UGT1A9: variants seen among roughly 807,000 people sequenced by gnomAD.
UGT1A9 encodes UDP-glucuronosyltransferase 1A9.
Under a neutral mutation model 45.0 loss-of-function variants are expected in UGT1A9, and 35 were observed. The observed-to-expected ratio is 0.78, with a 90% CI of 0.59 to 1.03. The LOEUF (loss-of-function observed/expected upper bound fraction) is 1.03, where lower values mean the gene tolerates loss of function less well. Ranked by LOEUF, UGT1A9 falls within the 50% of genes least tolerant of loss-of-function variation. The pLI is 0.00. For missense variants in UGT1A9, 687 were observed against 666.6 expected (o/e 1.03, Z -0.34); for synonymous variants, 278 against 250.6 (o/e 1.11, Z -1.03).
chr2:233,747,372 A>G (rs1321135438), intron 1 of UGT1A9: 1 of 1,604,206 alleles, frequency 6.2e-7, no homozygotes, highest in African/African-American at 1.3e-5. Flanking sequence ...GCTCCATGCC[A>G]GAGGCCACCA....
chr2:233,718,906 G>C (rs1018341076), intron 1 of UGT1A9: 4 of 1,613,954 alleles, frequency 2.5e-6, no homozygotes, highest in Admixed American at 1.7e-5. Context: ...GCTGAGAGTG[G>C]AAAGGTGTTG....
intron 1 of UGT1A9, among the ~76,000 whole-genome samples, chr2:233,695,285 C>T (rs1269928207): frequency 6.6e-6 from 1 of 152,000 alleles, no homozygotes; most frequent in Non-Finnish European, 1.5e-5. Flanking sequence ...GCCACCATTC[C>T]CAGCTAATTT....
chr2:233,720,855 G>A (rs1361240386), intron 1 of UGT1A9, among the ~76,000 whole-genome samples: 4 of 149,664 alleles, frequency 2.7e-5, no homozygotes, highest in Non-Finnish European at 5.9e-5. Flanking sequence ...GCAGGCATGT[G>A]CCACTGCTCC....
At chr2:233,739,499 A>T (rs927597154) in intron 1 of UGT1A9, among the ~76,000 whole-genome samples, 8 of 152,214 alleles carry the variant, frequency 5.3e-5, no homozygotes, top group African/African-American at 1.4e-4. Context: ...CATCACCTTG[A>T]TCTAGATGTG....
At chr2:233,710,728 A>G (rs1187864039) in intron 1 of UGT1A9, among the ~76,000 whole-genome samples, 1 of 152,210 alleles carries the variant, frequency 6.6e-6, no homozygotes, top group African/African-American at 2.4e-5. Flanking sequence ...TTAAAAAACA[A>G]CGTCTTTCAA....
chr2:233,674,351 G>A (rs1434151760), intron 1 of UGT1A9, among the ~76,000 whole-genome samples: 1 of 152,124 alleles, frequency 6.6e-6, no homozygotes. Context: ...AATCTAAGAG[G>A]TTAGACTTGT....
intron 1 of UGT1A9, among the ~76,000 whole-genome samples, chr2:233,741,294 T>C (rs954332893): frequency 1.3e-5 from 2 of 151,798 alleles, no homozygotes; most frequent in African/African-American, 4.9e-5. Context: ...ATGTACCCAA[T>C]TGTGTAGATA....
chr2:233,744,522 T>A (rs1292521723), intron 1 of UGT1A9, among the ~76,000 whole-genome samples: 2 of 151,918 alleles, frequency 1.3e-5, no homozygotes, highest in Non-Finnish European at 2.9e-5. Context: ...CAATAGCAAA[T>A]CTTATTTTTA....
In UGT1A9 at chr2:233,672,134, G is replaced by A; in HGVS notation, c.200G>A (p.Gly67Glu). The A allele has an allele frequency of 3.7e-6, 6 of 1,614,198 alleles. No individual in the cohort carries two copies. Among genetic ancestry groups the A allele is most frequent in the Non-Finnish European group, 5.1e-6 (6 of 1,180,022 alleles). ...VVMPEVSWQL[G>E]RSLNCTVKTY... ...ATGCCAGAGGTGAGTTGGCAACTGG[G>A]AAGATCACTGAATTGCACAGTGAAG... Residue 67 changes from glycine to glutamate, a missense_variant, in exon 1 of 5, where the codon GGA becomes GAA. Physicochemically the swap from Gly to Glu is moderately conservative, Grantham distance 98 (BLOSUM62 -2). Transcript: ENST00000354728.
intron 1 of UGT1A9, among the ~76,000 whole-genome samples, chr2:233,674,614 T>A (rs879425971): frequency 6.6e-6 from 1 of 151,084 alleles, no homozygotes; most frequent in South Asian, 2.1e-4. Flanking sequence ...AACATCAAAC[T>A]ATATATGGTT....
At chr2:233,712,915 G>C in intron 1 of UGT1A9, 1 of 1,611,388 alleles carries the variant, frequency 6.2e-7, no homozygotes, top group Non-Finnish European at 8.5e-7. Flanking sequence ...TCAGTGACAA[G>C]GTAATTAAGA....
At chr2:233,673,576 G>A (rs993269062) in intron 1 of UGT1A9, among the ~76,000 whole-genome samples, 1 of 152,028 alleles carries the variant, frequency 6.6e-6, no homozygotes, top group Non-Finnish European at 1.5e-5. Flanking sequence ...GTGTCTTCCT[G>A]TTCAGGAATA....
chr2:233,729,580 G>A, intron 1 of UGT1A9: 1 of 1,614,110 alleles, frequency 6.2e-7, no homozygotes. Context: ...GGTTTTAACA[G>A]ACCCCGTTAA....
At chr2:233,741,956 CTTG>C (rs1315214944) in intron 1 of UGT1A9, 1 of 151,862 alleles carries the variant, frequency 6.6e-6, no homozygotes, top group East Asian at 1.9e-4. Flanking sequence ...AAGGTACTTT[CTTG>C]TTGTGTTTAT....
chr2:233,682,757 G>A lies in UGT1A9; in HGVS notation c.855+9968G>A, dbSNP rs2074597285. ...GATGCCCAATATGATCTTCATTGGTGGTATCAACTGTCATCAGGGAAAGCC... is the reference window on the plus strand; with the variant it reads ...GATGCCCAATATGATCTTCATTGGTAGTATCAACTGTCATCAGGGAAAGCC... On this transcript the variant is annotated intron_variant, in intron 1 of 4. Coordinates refer to ENST00000354728, the MANE Select transcript of UGT1A9 (RefSeq NM_021027.3). 2.5e-6 allele frequency: 4 copies of A among 1,613,712 alleles called. No homozygotes were observed. Among genetic ancestry groups the A allele is most frequent in the Non-Finnish European group, 3.4e-6 (4 of 1,179,728 alleles).
chr2:233,719,099 G>T, intron 1 of UGT1A9: 3 of 1,614,244 alleles, frequency 1.9e-6, no homozygotes, highest in Non-Finnish European at 2.5e-6. Flanking sequence ...ATCGCGTTAC[G>T]CTGGGCTACA....
intron 1 of UGT1A9, chr2:233,760,220 G>T (rs1697349973): frequency 6.3e-7 from 1 of 1,593,686 alleles, no homozygotes; most frequent in Admixed American, 1.7e-5. Context: ...TTGGTGTATC[G>T]ATTGGTTTTT....
chr2:233,696,004 G>A (rs1283289203), intron 1 of UGT1A9, among the ~76,000 whole-genome samples: 1 of 152,002 alleles, frequency 6.6e-6, no homozygotes, highest in East Asian at 1.9e-4. Flanking sequence ...ATAGCATCAG[G>A]TCCCACAGAC....
At chr2:233,718,069 G>T in intron 1 of UGT1A9, 1 of 347,944 alleles carries the variant, frequency 2.9e-6, no homozygotes, top group South Asian at 2.3e-5. Flanking sequence ...GTGGGTCCTT[G>T]CTAGGGTTGT....
Sources: gnomAD v4.1 joint callset for allele counts (sites outside exome capture counted in the v4.1 genomes callset) on GRCh38, gnomAD v4.1.1 for gene constraint, MANE v1.5 for transcripts, NCBI Gene and HGNC (gene_info 2026-07-23, HGNC 2026-07-21) for gene names.